The following ADCY9 variants were observed in gnomAD, a reference collection of about 807,000 sequenced individuals.
ADCY9 encodes adenylate cyclase 9.
Under a neutral mutation model 101.5 loss-of-function variants are expected in ADCY9, and 50 were observed. That is an observed-to-expected ratio of 0.49 (90% CI 0.39 to 0.62). The LOEUF (loss-of-function observed/expected upper bound fraction) is 0.62. Among genes scored for constraint, ADCY9 ranks in the 20% least tolerant of loss-of-function variants. The pLI, the probability that ADCY9 is intolerant of heterozygous loss-of-function variation, is 0.00. For missense variants in ADCY9, 1,662 were observed against 1,800.4 expected (o/e 0.92, Z 1.39); for synonymous variants, 905 against 769.3 (o/e 1.18, Z -2.92).
At chr16:4,088,139 T>C (rs1176512712) in intron 2 of ADCY9, among the ~76,000 whole-genome samples, 5 of 151,842 alleles carry the variant, frequency 3.3e-5, no homozygotes. Flanking sequence ...GGGAAGTAGA[T>C]ATTAATATTC....
chr16:4,099,060 G>A (rs949816896), intron 2 of ADCY9, among the ~76,000 whole-genome samples: 2 of 152,062 alleles, frequency 1.3e-5, no homozygotes, highest in African/African-American at 4.8e-5. Flanking sequence ...AGTTTCCCGA[G>A]TAGCTGGGAT....
At chr16:4,018,811 C>G (rs111524203) in intron 2 of ADCY9, among the ~76,000 whole-genome samples, 2 of 152,084 alleles carry the variant, frequency 1.3e-5, no homozygotes, top group Non-Finnish European at 2.9e-5. Flanking sequence ...AGTCATCTAA[C>G]GGAGAAACCC....
At chr16:4,092,836 G>GT (rs1332014515) in intron 2 of ADCY9, among the ~76,000 whole-genome samples, 1 of 152,142 alleles carries the variant, frequency 6.6e-6, no homozygotes, top group Admixed American at 6.5e-5. Context: ...TGTTGGTTTG[G>GT]TTTTTTAATG....
chr16:4,111,640 A>G lies in ADCY9; in HGVS notation c.1693+2110T>C, dbSNP rs75347403. Among the ~76,000 whole-genome samples, 898 of 152,286 alleles carry G rather than the reference A, an allele frequency of 5.9e-3. 15 individuals carry two copies. Among genetic ancestry groups the G allele is most frequent in the African/African-American group, 0.02 (849 of 41,570 alleles). On this transcript the variant is annotated intron_variant, in intron 2 of 10. Coordinates refer to ENST00000294016, the MANE Select transcript of ADCY9 (RefSeq NM_001116.4). ...CAAAGGTTTGTAAAATGAGCTCAAG[A>G]AAACAAAATCGTGGTCTCAGAGAAA...
intron 6 of ADCY9, 130 bp downstream of exon 6, chr16:3,988,864 A>G: frequency 2.7e-6 from 2 of 742,548 alleles, no homozygotes; most frequent in Non-Finnish European, 4.8e-6. Context: ...CTTAGGGTTT[A>G]CAGAGTGTGG....
intron 2 of ADCY9, among the ~76,000 whole-genome samples, chr16:4,053,836 A>C (rs1422958387): frequency 6.6e-6 from 1 of 152,078 alleles, no homozygotes; most frequent in Non-Finnish European, 1.5e-5. Flanking sequence ...CTCGGTAATA[A>C]AACACAGCAT....
chr16:4,012,802 A>G (rs895128264), intron 2 of ADCY9, among the ~76,000 whole-genome samples: 1 of 152,184 alleles, frequency 6.6e-6, no homozygotes, highest in Non-Finnish European at 1.5e-5. Flanking sequence ...TGACCCAAGT[A>G]TAGGAAGAGT....
intron 2 of ADCY9, among the ~76,000 whole-genome samples, chr16:4,046,417 C>A (rs2056665280): frequency 1.3e-5 from 2 of 151,902 alleles, no homozygotes; most frequent in Non-Finnish European, 2.9e-5. Flanking sequence ...TAAGGAAAAA[C>A]TGCATGGGCC....
At chr16:4,105,812 C>T (rs1490986281) in intron 2 of ADCY9, among the ~76,000 whole-genome samples, 2 of 152,086 alleles carry the variant, frequency 1.3e-5, no homozygotes, top group Non-Finnish European at 1.5e-5. Flanking sequence ...GCACACTGTA[C>T]TCCAGCCTGG....
At chr16:3,994,283 C>T (rs35484150) in intron 3 of ADCY9, among the ~76,000 whole-genome samples, 1 of 152,246 alleles carries the variant, frequency 6.6e-6, no homozygotes, top group South Asian at 2.1e-4. Context: ...ACTTCCCAGC[C>T]TCCAGAACCC....
intron 2 of ADCY9, among the ~76,000 whole-genome samples, chr16:4,034,424 T>C (rs2056576363): frequency 6.6e-6 from 1 of 152,130 alleles, no homozygotes; most frequent in African/African-American, 2.4e-5. Context: ...TATGAACTTT[T>C]TTTGAGACAA....
chr16:4,112,868 C>T (rs147415847), intron 2 of ADCY9, among the ~76,000 whole-genome samples: 1 of 152,112 alleles, frequency 6.6e-6, no homozygotes, highest in East Asian at 1.9e-4. Context: ...CTTTTTCGTC[C>T]TACTTATTTT....
intron 2 of ADCY9, among the ~76,000 whole-genome samples, chr16:4,044,550 T>C (rs1471485748): frequency 6.6e-6 from 1 of 152,124 alleles, no homozygotes; most frequent in Non-Finnish European, 1.5e-5. Flanking sequence ...ACCTATGGAA[T>C]CAAATCATTT....
At chr16:4,112,628 C>G (rs371997932) in intron 2 of ADCY9, among the ~76,000 whole-genome samples, 17 of 151,872 alleles carry the variant, frequency 1.1e-4, no homozygotes, top group African/African-American at 3.9e-4. Flanking sequence ...TTACTTCTTC[C>G]GAGGATTCCC....
At chr16:3,973,587 T>A (rs1376372117) in intron 10 of ADCY9, among the ~76,000 whole-genome samples, 13 of 152,210 alleles carry the variant, frequency 8.5e-5, no homozygotes, top group Non-Finnish European at 1.3e-4. Context: ...CAGCCTCAAA[T>A]TCCCGGCCTC....
intron 2 of ADCY9, among the ~76,000 whole-genome samples, chr16:4,072,064 C>T (rs2056838106): frequency 1.3e-5 from 2 of 152,220 alleles, no homozygotes; most frequent in South Asian, 4.1e-4. Flanking sequence ...AAAGCCACTG[C>T]ATTCTGAAGA....
At position 3,983,646 on chromosome 16, in the gene ADCY9, G is replaced by A. The variant is rs557354187; in HGVS notation, c.2311-206C>T. ...CACAGAGAAGTTAAACTTGCCCAGG[G>A]GGCTGGGCACGGTGGCTCACGCCTG... On this transcript the variant is annotated intron_variant, in intron 6 of 10. Coordinates refer to ENST00000294016, the MANE Select transcript of ADCY9 (RefSeq NM_001116.4). 6.7e-5 allele frequency: 39 copies of A among 585,716 alleles called. No individual in the cohort carries two copies. In the African/African-American group the frequency reaches 6.9e-4, roughly 10 times the overall value. The allele number at this position is 585,716 out of a possible 1,614,324, so 36.3% of individuals were successfully genotyped here.
chr16:4,099,593 A>C (rs1017048943), intron 2 of ADCY9, among the ~76,000 whole-genome samples: 1 of 152,266 alleles, frequency 6.6e-6, no homozygotes, highest in Non-Finnish European at 1.5e-5. Flanking sequence ...CTGGGGTTGC[A>C]TGAAGAGGAC....
chr16:3,966,025 C>T lies in ADCY9; in HGVS notation c.3812G>A (p.Gly1271Glu). 6.2e-7 allele frequency: 1 copy of T among 1,614,212 alleles called. No homozygotes were observed. Among genetic ancestry groups the T allele is most frequent in the Non-Finnish European group, 8.5e-7 (1 of 1,180,044 alleles). Residue 1271 changes from glycine (G) to glutamate (E), a missense_variant, in exon 11 of 11, where the codon GGA becomes GAA. Around this residue, in one of 5 missense-constraint regions of ADCY9, gnomAD observed 168 missense variants for 155.3 expected, o/e 1.08. Coordinates refer to ENST00000294016, the MANE Select transcript of ADCY9 (RefSeq NM_001116.4). Reference protein sequence around the residue: ...DIRVQVDGSIGRSPTDEIANL... With the variant: ...DIRVQVDGSIERSPTDEIANL... ...GGCAATCTCGTCTGTGGGAGACCGT[C>T]CGATGCTGCCATCCACCTGGACGCG... is the stretch of plus-strand genomic sequence containing the variant.
Sources: gnomAD v4.1 joint callset for allele counts (sites outside exome capture counted in the v4.1 genomes callset) on GRCh38, gnomAD v4.1.1 for gene constraint, gnomAD v4.1.1 regional missense constraint, MANE v1.5 for transcripts, NCBI Gene and HGNC (gene_info 2026-07-23, HGNC 2026-07-21) for gene names.